The following RPH3A variants were observed in gnomAD, a reference collection of about 807,000 sequenced individuals.
The protein encoded by RPH3A is rabphilin-3A.
RPH3A carries 48 observed loss-of-function variants against 102.2 expected under a neutral mutation model. The ratio of observed to expected loss-of-function variants is 0.47; its 90% CI spans 0.37 to 0.60. The LOEUF is 0.60. RPH3A is among the 20% of genes least tolerant of loss of function. The pLI is 0.00. For missense variants in RPH3A, 781 were observed against 910.1 expected (o/e 0.86, Z 1.83); for synonymous variants, 310 against 324.3 (o/e 0.96, Z 0.47).
intron 6 of RPH3A, 144 bp downstream of exon 6, chr12:112,865,687 A>T (rs2042600818): frequency 2.4e-6 from 2 of 816,388 alleles, no homozygotes; most frequent in Non-Finnish European, 1.8e-6. Flanking sequence ...TTTTTCTGGG[A>T]TGCTTCCATG....
intron 2 of RPH3A, among the ~76,000 whole-genome samples, chr12:112,802,007 AT>A (rs1450160437): frequency 4.6e-5 from 7 of 151,738 alleles, no homozygotes; most frequent in African/African-American, 1.2e-4. Context: ...TCAGTCCCCT[AT>A]TTTTTTCTCC....
intron 1 of RPH3A, chr12:112,617,686 G>A (rs2039691786): frequency 6.6e-6 from 1 of 152,130 alleles, no homozygotes; most frequent in Admixed American, 6.6e-5. Flanking sequence ...GGAGGAAGTG[G>A]CACTTGAGTT....
intron 5 of RPH3A, among the ~76,000 whole-genome samples, chr12:112,850,627 A>G (rs2042307445): frequency 6.6e-6 from 1 of 152,228 alleles, no homozygotes; most frequent in Non-Finnish European, 1.5e-5. Flanking sequence ...TAGCATCGCC[A>G]GAGGCAAACC....
chr12:112,868,535 C>A lies in RPH3A; in HGVS notation c.550C>A (p.Pro184Thr). ...KTKPQQPVSEPAAPEQPAPEP... is the reference protein window; with the variant it reads ...KTKPQQPVSETAAPEQPAPEP... ...CAAGCCCCAGCAGCCTGTCAGTGAG[C>A]CTGCTGCCCCTGAACAGCCTGCTCC... The change falls in exon 8 of 22, where the codon CCT (proline) becomes ACT (threonine). Residue 184 changes from proline to threonine, a missense_variant. Pro to Thr is a conservative substitution (Grantham distance 38). Transcript: ENST00000389385. 1 of 1,614,170 alleles carries A rather than the reference C, an allele frequency of 6.2e-7. No homozygotes were observed. The highest frequency in any genetic ancestry group is 1.1e-5 in the South Asian group (1 of 91,074).
At chr12:112,701,429 C>T (rs1339091074) in intron 1 of RPH3A, among the ~76,000 whole-genome samples, 1 of 152,148 alleles carries the variant, frequency 6.6e-6, no homozygotes, top group Admixed American at 6.5e-5. Flanking sequence ...AATAAGGTTT[C>T]TGGGGCCTCA....
At chr12:112,598,112 C>T (rs574888451) in intron 1 of RPH3A, among the ~76,000 whole-genome samples, 2 of 152,326 alleles carry the variant, frequency 1.3e-5, no homozygotes, top group South Asian at 2.1e-4. Context: ...TGAGGGCAAC[C>T]GTGCTCAATC....
At chr12:112,800,134 G>A (rs2041314063) in intron 2 of RPH3A, among the ~76,000 whole-genome samples, 1 of 152,174 alleles carries the variant, frequency 6.6e-6, no homozygotes, top group Admixed American at 6.5e-5. Context: ...CGCGTGAAGT[G>A]CCATGAAGGA....
At chr12:112,620,185 T>A (rs1001088469) in intron 1 of RPH3A, among the ~76,000 whole-genome samples, 2 of 152,238 alleles carry the variant, frequency 1.3e-5, no homozygotes, top group Non-Finnish European at 2.9e-5. Flanking sequence ...GTTCTGAGAT[T>A]CACTCTGATT....
intron 1 of RPH3A, among the ~76,000 whole-genome samples, chr12:112,733,560 C>T (rs1021808121): frequency 2.6e-5 from 4 of 152,156 alleles, no homozygotes; most frequent in South Asian, 2.1e-4. Context: ...GAAGAAGCCT[C>T]GAATTGGTCA....
At chr12:112,879,712 A>T (rs966002053) in intron 14 of RPH3A, among the ~76,000 whole-genome samples, 6 of 152,094 alleles carry the variant, frequency 3.9e-5, no homozygotes, top group African/African-American at 1.2e-4. Context: ...TTGATTCCAG[A>T]CCCCAGGGGA....
At chr12:112,750,030 C>T (rs564939667) in intron 1 of RPH3A, among the ~76,000 whole-genome samples, 12 of 152,160 alleles carry the variant, frequency 7.9e-5, no homozygotes, top group East Asian at 5.8e-4. Flanking sequence ...GGTTTCCAAA[C>T]GAAGGGGGCC....
At chr12:112,873,333 C>A (rs192467197) in intron 10 of RPH3A, among the ~76,000 whole-genome samples, 2 of 152,198 alleles carry the variant, frequency 1.3e-5, no homozygotes, top group Non-Finnish European at 2.9e-5. Context: ...AATAGCAGGG[C>A]TAGTGTTTAA....
At chr12:112,775,393 T>C (rs1465485640) in intron 1 of RPH3A, among the ~76,000 whole-genome samples, 1 of 152,142 alleles carries the variant, frequency 6.6e-6, no homozygotes, top group African/African-American at 2.4e-5. Context: ...GGCACTGTGT[T>C]AGGTCCTGGG....
At chr12:112,684,946 C>G (rs1158085540) in intron 1 of RPH3A, among the ~76,000 whole-genome samples, 5 of 152,162 alleles carry the variant, frequency 3.3e-5, no homozygotes, top group African/African-American at 1.2e-4. Context: ...AAGGGACAAA[C>G]AGGCTCCCTC....
chr12:112,777,592 G>C (rs1370857270), intron 1 of RPH3A, among the ~76,000 whole-genome samples: 2 of 152,106 alleles, frequency 1.3e-5, no homozygotes, highest in African/African-American at 2.4e-5. Flanking sequence ...GGGGCTGAAG[G>C]GTCCTGACAT....
chr12:112,735,756 C>T (rs1024743413), intron 1 of RPH3A, among the ~76,000 whole-genome samples: 1 of 152,174 alleles, frequency 6.6e-6, no homozygotes, highest in Admixed American at 6.5e-5. Flanking sequence ...CCCCACCTCC[C>T]CCCAAGCCTT....
At chr12:112,647,813 T>C (rs888961978) in intron 1 of RPH3A, among the ~76,000 whole-genome samples, 2 of 152,154 alleles carry the variant, frequency 1.3e-5, no homozygotes, top group African/African-American at 2.4e-5. Context: ...AGGAGGGTGG[T>C]GGGTGCAGCT....
At chr12:112,621,271 G>A (rs1256269613) in intron 1 of RPH3A, among the ~76,000 whole-genome samples, 1 of 151,634 alleles carries the variant, frequency 6.6e-6, no homozygotes, top group East Asian at 1.9e-4. Flanking sequence ...GAAGACGGGT[G>A]ATTTCTGCAT....
chr12:112,614,349 C>T (rs141398155), intron 1 of RPH3A, among the ~76,000 whole-genome samples: 2 of 152,140 alleles, frequency 1.3e-5, no homozygotes, highest in Non-Finnish European at 2.9e-5. Flanking sequence ...TCAATGCCCA[C>T]ATCATAGCGT....
Sources: allele counts gnomAD v4.1 joint callset (sites outside exome capture counted in the v4.1 genomes callset), GRCh38; gene constraint gnomAD v4.1.1; transcripts MANE v1.5; gene names NCBI Gene and HGNC (gene_info 2026-07-23, HGNC 2026-07-21).